The following KLRG1 variants were observed in gnomAD, a reference collection of about 807,000 sequenced individuals.
The protein encoded by KLRG1 is killer cell lectin-like receptor subfamily G member 1.
Under a neutral mutation model 21.8 loss-of-function variants are expected in KLRG1, and 16 were observed. The observed-to-expected ratio is 0.73, with a 90% CI of 0.50 to 1.11. The LOEUF (loss-of-function observed/expected upper bound fraction) is 1.11, where lower values mean the gene tolerates loss of function less well. Among genes scored for constraint, KLRG1 ranks in the 50% most tolerant of loss-of-function variants. The pLI, the probability that KLRG1 is intolerant of heterozygous loss-of-function variation, is 0.00. For synonymous variants in KLRG1, 69 were observed against 75.9 expected, an observed-to-expected ratio of 0.91 and a Z score of 0.47; for missense variants, 173 against 218.3, an observed-to-expected ratio of 0.79 and a Z score of 1.31.
At chr12:9,160,401 G>A in the KLRG1 span, 2 of 1,614,046 alleles carry the variant, frequency 1.2e-6, no homozygotes, top group Non-Finnish European at 1.7e-6. Flanking sequence ...TAGATGTTAG[G>A]AGCAAATAGG....
the KLRG1 span, among the ~76,000 whole-genome samples, chr12:9,064,020 T>C: frequency 6.6e-6 from 1 of 152,224 alleles, no homozygotes; most frequent in Non-Finnish European, 1.5e-5. This position sits in a 1 kb window ranked among gnomAD's most constrained non-coding sequence, Gnocchi z 4.0. Context: ...ATAGCCATAC[T>C]CTGATTTCTT....
At chr12:9,070,387 G>T in the KLRG1 span, 1 of 802,830 alleles carries the variant, frequency 1.2e-6, no homozygotes, top group Non-Finnish European at 2.1e-6. Flanking sequence ...GGCTTTGATA[G>T]AGATTGACTT....
At chr12:9,196,385 A>AG in the KLRG1 span, 1 of 1,613,882 alleles carries the variant, frequency 6.2e-7, no homozygotes, top group Non-Finnish European at 8.5e-7. Context: ...CACGAATTTG[A>AG]GTTTGGATAC....
At chr12:9,128,840 T>G in the KLRG1 span, among the ~76,000 whole-genome samples, 1 of 151,996 alleles carries the variant, frequency 6.6e-6, no homozygotes, top group Non-Finnish European at 1.5e-5. Flanking sequence ...GAAGCTGGAG[T>G]GGGGTGACTG....
the KLRG1 span, among the ~76,000 whole-genome samples, chr12:9,060,830 CT>C: frequency 6.6e-6 from 1 of 152,028 alleles, no homozygotes; most frequent in Non-Finnish European, 1.5e-5. Flanking sequence ...TAATGATGAT[CT>C]TTTTCGTCAC....
At chr12:9,082,754 C>T in the KLRG1 span, among the ~76,000 whole-genome samples, 1 of 152,140 alleles carries the variant, frequency 6.6e-6, no homozygotes, top group Non-Finnish European at 1.5e-5. Context: ...GAATAATCCT[C>T]TTGAAGAAAT....
chr12:9,042,028 G>A, the KLRG1 span, among the ~76,000 whole-genome samples: 284 of 152,284 alleles, frequency 1.9e-3, 1 homozygote, highest in African/African-American at 6.6e-3. Context: ...TGTAAAGGCT[G>A]GAAGGACAAG....
chr12:9,207,801 T>C, the KLRG1 span, among the ~76,000 whole-genome samples: 1 of 152,196 alleles, frequency 6.6e-6, no homozygotes, highest in African/African-American at 2.4e-5. Flanking sequence ...TACAACTGGA[T>C]AGGGTTAAAA....
chr12:9,197,982 T>A, the KLRG1 span, among the ~76,000 whole-genome samples: 3 of 135,438 alleles, frequency 2.2e-5, no homozygotes, highest in African/African-American at 8.3e-5. Context: ...TTAATATATA[T>A]TATATATATA....
intron 3 of KLRG1, among the ~76,000 whole-genome samples, chr12:8,998,680 C>G (rs1281359268): frequency 8.2e-6 from 1 of 122,480 alleles, no homozygotes; most frequent in Non-Finnish European, 1.7e-5. Flanking sequence ...CAGAGCGAGA[C>G]TCTGTCTCAA....
At chr12:9,005,192 C>T (rs995773505) in intron 3 of KLRG1, among the ~76,000 whole-genome samples, 6 of 143,786 alleles carry the variant, frequency 4.2e-5, no homozygotes, top group African/African-American at 7.8e-5. Flanking sequence ...CATCACACAC[C>T]GGGCCTGTCG....
upstream of KLRG1, among the ~76,000 whole-genome samples, chr12:8,984,830 T>A (rs1220866015): frequency 6.6e-6 from 1 of 152,230 alleles, no homozygotes; most frequent in Non-Finnish European, 1.5e-5. Context: ...TATTTTATTG[T>A]ATGCTAGATA....
chr12:8,992,324 T>G lies in KLRG1; in HGVS notation c.187+14T>G, dbSNP rs758758532. On this transcript the variant is annotated intron_variant, in intron 2 of 4. Coordinates refer to ENST00000356986, the MANE Select transcript of KLRG1 (RefSeq NM_005810.4). ...TCCTGTGCCAGGGTAAGTGCAAACTTAAACCAAAATTAATCTTTCATTTTA... is the reference window on the plus strand; with the variant it reads ...TCCTGTGCCAGGGTAAGTGCAAACTGAAACCAAAATTAATCTTTCATTTTA... 1 of 1,520,210 alleles carries G rather than the reference T, an allele frequency of 6.6e-7. No individual in the cohort carries two copies. Among genetic ancestry groups the G allele is most frequent in the South Asian group, 1.2e-5 (1 of 84,466 alleles). 94.2% of individuals were successfully genotyped at this position (1,520,210 alleles called of 1,614,324 possible). A position where few individuals can be genotyped will look rare whatever the true frequency, so the allele number is the denominator to read the frequency against.
chr12:9,192,831 A>G, the KLRG1 span: 1 of 803,644 alleles, frequency 1.2e-6, no homozygotes, highest in Non-Finnish European at 2.0e-6. Context: ...GGTGTCTTCC[A>G]CTCTAAAATA....
chr12:9,044,706 A>C, the KLRG1 span, among the ~76,000 whole-genome samples: 1 of 152,066 alleles, frequency 6.6e-6, no homozygotes, highest in Non-Finnish European at 1.5e-5. Flanking sequence ...AGAAACCTAG[A>C]TAGTGGTAAA....
chr12:9,154,537 T>C, the KLRG1 span: 2 of 1,313,868 alleles, frequency 1.5e-6, no homozygotes, highest in South Asian at 2.7e-5. Flanking sequence ...TGCCTTCTCT[T>C]TTCCATTAAC....
At chr12:9,160,677 G>A in the KLRG1 span, among the ~76,000 whole-genome samples, 2 of 152,154 alleles carry the variant, frequency 1.3e-5, no homozygotes, top group Non-Finnish European at 2.9e-5. Flanking sequence ...CACTTTGGGA[G>A]GCCGAGGCGG....
At chr12:9,045,940 A>T in the KLRG1 span, among the ~76,000 whole-genome samples, 1 of 152,144 alleles carries the variant, frequency 6.6e-6, no homozygotes, top group Admixed American at 6.5e-5. Context: ...AGGAACACAA[A>T]ATCAAACACC....
the KLRG1 span, chr12:9,099,609 A>T: frequency 7.0e-7 from 1 of 1,434,634 alleles, no homozygotes; most frequent in East Asian, 2.5e-5. Flanking sequence ...TAAACAGTAG[A>T]TGTAACAAAT....
Sources: allele counts gnomAD v4.1 joint callset (sites outside exome capture counted in the v4.1 genomes callset), GRCh38; gene constraint gnomAD v4.1.1; non-coding constraint Gnocchi (gnomAD v3.1); transcripts MANE v1.5; gene names NCBI Gene and HGNC (gene_info 2026-07-23, HGNC 2026-07-21).